BRAF: variants seen among roughly 807,000 people sequenced by gnomAD.
The protein encoded by BRAF is serine/threonine-protein kinase B-raf.
A neutral mutation model predicts 104.6 loss-of-function variants in BRAF; 16 were observed. The ratio of observed to expected loss-of-function variants is 0.15; its 90% confidence interval spans 0.10 to 0.23. BRAF has a LOEUF of 0.23. Among genes scored for constraint, BRAF ranks in the 10% least tolerant of loss-of-function variants. BRAF has a pLI of 1.00. For synonymous variants in BRAF, 310 were observed against 341.6 expected (o/e 0.91, Z 1.02); for missense variants, 541 against 937.3 (o/e 0.58, Z 5.52).
intron 13 of BRAF, 80 bp downstream of exon 12, chr7:140,777,911 T>C (rs1586125751): frequency 1.6e-6 from 2 of 1,286,106 alleles, no homozygotes; most frequent in African/African-American, 2.9e-5. Flanking sequence ...TCTGTAAAGC[T>C]AATAGTTGCT....
chr7:140,802,826 T>C (rs1393580514), intron 5 of BRAF, among the ~76,000 whole-genome samples: 4 of 152,182 alleles, frequency 2.6e-5, no homozygotes, highest in Non-Finnish European at 5.9e-5. Flanking sequence ...ATTTTAAAAC[T>C]GTACTGTAGC....
intron 3 of BRAF, among the ~76,000 whole-genome samples, chr7:140,828,207 G>A (rs997680060): frequency 2.0e-5 from 3 of 152,004 alleles, no homozygotes; most frequent in African/African-American, 7.2e-5. Context: ...TTTGTATTTC[G>A]TGTGATTTTC....
chr7:140,816,471 A>G (rs1370628921), intron 3 of BRAF, among the ~76,000 whole-genome samples: 1 of 152,190 alleles, frequency 6.6e-6, no homozygotes, highest in East Asian at 1.9e-4. Context: ...TAAAATAAGA[A>G]CATACCTTTT....
At chr7:140,910,790 A>C (rs1816881600) in intron 1 of BRAF, among the ~76,000 whole-genome samples, 1 of 152,124 alleles carries the variant, frequency 6.6e-6, no homozygotes, top group Non-Finnish European at 1.5e-5. Context: ...TCCCGCCCTC[A>C]GCCTCCCAAG....
chr7:140,807,431 G>T (rs1050575763), intron 5 of BRAF, among the ~76,000 whole-genome samples: 2 of 151,588 alleles, frequency 1.3e-5, no homozygotes, highest in Non-Finnish European at 2.9e-5. Flanking sequence ...ATAAAGCCAG[G>T]TATACTGACA....
rs911725535 is a variant in BRAF at position 140,798,337 on chromosome 7, G to A, written c.980+2025C>T. On this transcript the variant is annotated intron_variant, in intron 7 of 19. Transcript: ENST00000644969. ...GAATGCAGTGACGTGATCTCGGCCC[G>A]CTACAAGCTCCACCTCCTGGGTTCA... 3.1e-5 allele frequency among the ~76,000 whole-genome samples: 4 copies of A among 129,716 alleles called. No individual in the cohort carries two copies. The East Asian group carries it at 9.8e-4, about 32-fold the overall frequency. The allele number at this position is 129,716 out of a possible 152,430, so 85.1% of individuals were successfully genotyped here. A position where few individuals can be genotyped will look rare whatever the true frequency, so the allele number is the denominator to read the frequency against.
At chr7:140,741,684 C>A (rs950840411) in intron 17 of BRAF, 1 of 152,118 alleles carries the variant, frequency 6.6e-6, no homozygotes. Context: ...AGAAGCCAGG[C>A]GTGGTGACTC....
intron 2 of BRAF, among the ~76,000 whole-genome samples, chr7:140,840,070 C>T (rs1292904795): frequency 6.6e-6 from 1 of 152,240 alleles, no homozygotes; most frequent in Non-Finnish European, 1.5e-5. Context: ...TCTGCTCCAA[C>T]AGGGAAGCAG....
chr7:140,867,515 G>A (rs1162790241), intron 1 of BRAF, among the ~76,000 whole-genome samples: 1 of 148,928 alleles, frequency 6.7e-6, no homozygotes, highest in Non-Finnish European at 1.5e-5. Context: ...TCTAGTTAAG[G>A]GAAGATAAAC....
At chr7:140,922,882 T>C (rs1392949407) in intron 1 of BRAF, among the ~76,000 whole-genome samples, 1 of 151,986 alleles carries the variant, frequency 6.6e-6, no homozygotes. Flanking sequence ...AAATGAATGG[T>C]AACTGGAAAC....
chr7:140,749,198 C>G, intron 17 of BRAF, 89 bp downstream of exon 16: 1 of 1,558,878 alleles, frequency 6.4e-7, no homozygotes, highest in Non-Finnish European at 8.8e-7. Context: ...CTATCCTTCA[C>G]GCTTACCCAG....
At chr7:140,747,508 G>T in intron 17 of BRAF, 1 of 718,356 alleles carries the variant, frequency 1.4e-6, no homozygotes, top group Non-Finnish European at 2.0e-6. Flanking sequence ...GTATTTTGGA[G>T]ATAATACTTG....
At chr7:140,859,246 G>T (rs1045843236) in intron 1 of BRAF, among the ~76,000 whole-genome samples, 1 of 152,142 alleles carries the variant, frequency 6.6e-6, no homozygotes, top group Admixed American at 6.5e-5. Flanking sequence ...CAAAAAGTTG[G>T]CTCAGGAGGT....
intron 1 of BRAF, among the ~76,000 whole-genome samples, chr7:140,905,892 T>A (rs958982145): frequency 3.3e-5 from 5 of 150,670 alleles, no homozygotes; most frequent in African/African-American, 1.2e-4. Flanking sequence ...ATCGAGACCA[T>A]CCCGGCTAAA....
downstream of BRAF, among the ~76,000 whole-genome samples, chr7:140,716,272 A>C (rs1231187131): frequency 6.6e-6 from 1 of 152,190 alleles, no homozygotes; most frequent in African/African-American, 2.4e-5. Context: ...TCTGACTAGG[A>C]GCTCTACCAT....
intron 1 of BRAF, among the ~76,000 whole-genome samples, chr7:140,911,820 T>C (rs1817015846): frequency 6.6e-6 from 1 of 152,234 alleles, no homozygotes; most frequent in South Asian, 2.1e-4. Context: ...GGCAGGATAG[T>C]GGCAGGTACT....
At chr7:140,862,381 A>G (rs1180976477) in intron 1 of BRAF, among the ~76,000 whole-genome samples, 1 of 152,164 alleles carries the variant, frequency 6.6e-6, no homozygotes, top group African/African-American at 2.4e-5. Context: ...AAAGTTGAAG[A>G]GATATAAAGA....
intron 17 of BRAF, chr7:140,748,976 C>A (rs1211076774): frequency 1.2e-5 from 4 of 327,408 alleles, no homozygotes; most frequent in Admixed American, 8.7e-5. Flanking sequence ...AGTATAATGC[C>A]CAGATGCTAT....
At chr7:140,860,219 G>A (rs1810257530) in intron 1 of BRAF, among the ~76,000 whole-genome samples, 1 of 151,980 alleles carries the variant, frequency 6.6e-6, no homozygotes, top group Admixed American at 6.6e-5. Flanking sequence ...GGAACAGAAC[G>A]GACTATATAA....
Sources: allele counts gnomAD v4.1 joint callset (sites outside exome capture counted in the v4.1 genomes callset), GRCh38; gene constraint gnomAD v4.1.1; transcripts MANE v1.5; gene names NCBI Gene and HGNC (gene_info 2026-07-23, HGNC 2026-07-21).